CTNNA3: variants seen among roughly 807,000 people sequenced by gnomAD.
CTNNA3 encodes the protein catenin alpha 3.
CTNNA3 carries 76 observed loss-of-function variants against 95.7 expected under a neutral mutation model. The observed-to-expected ratio is 0.79, with a 90% CI of 0.66 to 0.96. The LOEUF is 0.96. Ranked by LOEUF, CTNNA3 falls within the 40% of genes least tolerant of loss-of-function variation. CTNNA3 has a pLI of 0.00. For synonymous variants in CTNNA3, 431 were observed against 374.4 expected (o/e 1.15, Z -1.74); for missense variants, 1,191 against 1,089.8 (o/e 1.09, Z -1.31).
intron 5 of CTNNA3, among the ~76,000 whole-genome samples, chr10:67,372,019 A>T (rs533553368): frequency 0.041 from 6,238 of 151,894 alleles, 183 homozygotes; most frequent in South Asian, 0.1. Context: ...TGGCTGCATA[A>T]ATGTCTTCTT....
chr10:66,882,816 C>T (rs1844898430), intron 7 of CTNNA3, among the ~76,000 whole-genome samples: 1 of 152,030 alleles, frequency 6.6e-6, no homozygotes, highest in Admixed American at 6.6e-5. Context: ...AGCATGGAAA[C>T]ATAGGATGTA....
At chr10:66,141,862 A>G (rs2083637375) in intron 13 of CTNNA3, among the ~76,000 whole-genome samples, 1 of 152,168 alleles carries the variant, frequency 6.6e-6, no homozygotes, top group African/African-American at 2.4e-5. Context: ...GTGTATTCTG[A>G]GGCAGATGTT....
chr10:67,566,697 T>A (rs1841815786), intron 3 of CTNNA3, among the ~76,000 whole-genome samples: 1 of 152,092 alleles, frequency 6.6e-6, no homozygotes, highest in South Asian at 2.1e-4. Flanking sequence ...CTATAAATCA[T>A]GCTGCTATAA....
intron 6 of CTNNA3, among the ~76,000 whole-genome samples, chr10:67,187,368 G>A (rs10997559): frequency 0.37 from 55,564 of 151,896 alleles, 14,554 homozygotes; most frequent in African/African-American, 0.75. Flanking sequence ...CCAATTTTAT[G>A]TAAGTACCAA....
chr10:66,303,841 C>A (rs1169429478), intron 12 of CTNNA3, among the ~76,000 whole-genome samples: 1 of 152,094 alleles, frequency 6.6e-6, no homozygotes, highest in Non-Finnish European at 1.5e-5. Context: ...GATCCGCCCA[C>A]CTCGGCCTCC....
At chr10:65,925,737 C>T (rs551926965) in intron 17 of CTNNA3, among the ~76,000 whole-genome samples, 50 of 152,210 alleles carry the variant, frequency 3.3e-4, no homozygotes, top group African/African-American at 1.2e-3. Context: ...GCACTTGGCT[C>T]TTCTTGTAAT....
rs76624084 is a variant in CTNNA3, at chr10:67,645,363, C to T, written c.99+2052G>A. Reference sequence around the variant, plus strand: ...CCATGATACTCTCTCTGTTTATAAGCAATATGTCAGCAACCTTTGTGATTA... The same window carrying T: ...CCATGATACTCTCTCTGTTTATAAGTAATATGTCAGCAACCTTTGTGATTA... On this transcript the variant is annotated intron_variant, in intron 2 of 17. Coordinates refer to ENST00000433211, the MANE Select transcript of CTNNA3 (RefSeq NM_013266.4). Among the ~76,000 whole-genome samples, 1,199 of 152,224 alleles carry T rather than the reference C, an allele frequency of 7.9e-3. 16 individuals carry two copies. Among genetic ancestry groups the T allele is most frequent in the African/African-American group, 0.025 (1,022 of 41,544 alleles).
intron 13 of CTNNA3, among the ~76,000 whole-genome samples, chr10:66,117,828 A>G (rs915291967): frequency 6.6e-6 from 1 of 152,228 alleles, no homozygotes; most frequent in Non-Finnish European, 1.5e-5. Context: ...TGACAACTAT[A>G]TAAGAGTACT....
At chr10:67,698,353 CA>C (rs61437531), upstream of CTNNA3, among the ~76,000 whole-genome samples, 22,587 of 152,122 alleles carry the variant, frequency 0.15, 1,809 homozygotes, top group African/African-American at 0.18. Flanking sequence ...CGGCCCCAAA[CA>C]AAGTCATTCA....
intron 5 of CTNNA3, among the ~76,000 whole-genome samples, chr10:67,286,260 T>G (rs1175006334): frequency 2.0e-5 from 3 of 152,226 alleles, no homozygotes; most frequent in Admixed American, 6.5e-5. Context: ...TGATTTCTCA[T>G]GACAGCTATA....
At chr10:66,621,605 G>GA (rs144188579) in intron 10 of CTNNA3, 87 bp downstream of exon 10, 806 of 614,390 alleles carry the variant, frequency 1.3e-3, no homozygotes, top group Middle Eastern at 2.6e-3. Context: ...AAAAAAAAAA[G>GA]AAAAAAAAAT....
intron 15 of CTNNA3, among the ~76,000 whole-genome samples, chr10:66,056,172 C>T (rs1014111503): frequency 3.3e-5 from 5 of 151,876 alleles, no homozygotes; most frequent in African/African-American, 4.8e-5. Flanking sequence ...TTATATATAG[C>T]GTTTATCTTA....
intron 7 of CTNNA3, among the ~76,000 whole-genome samples, chr10:67,125,470 G>A (rs1056219902): frequency 1.3e-5 from 2 of 152,052 alleles, no homozygotes; most frequent in Non-Finnish European, 2.9e-5. Context: ...TGCCCCTAAA[G>A]CCTAAAAGTG....
chr10:66,321,199 TAAAAAA>T lies in CTNNA3; in HGVS notation c.1733-40584_1733-40579del, dbSNP rs1480276173. 2.8e-4 allele frequency among the ~76,000 whole-genome samples: 43 copies of T among 152,056 alleles called. 1 individual carries two copies. In the East Asian group the frequency reaches 4.4e-3, roughly 16 times the overall value. On this transcript the variant is annotated intron_variant, in intron 12 of 17. Transcript: ENST00000433211. ...TGTTGGACCATCTTTGTTGAATAGGTAAAAAATAAAATATAGATTTGAAAAAAAATA... is the reference window on the plus strand; with the variant it reads ...TGTTGGACCATCTTTGTTGAATAGGTTAAAATATAGATTTGAAAAAAAATA...
At chr10:66,030,190 G>C (rs190845904) in intron 15 of CTNNA3, among the ~76,000 whole-genome samples, 1 of 152,174 alleles carries the variant, frequency 6.6e-6, no homozygotes, top group East Asian at 1.9e-4. Flanking sequence ...AACCACTAAT[G>C]TCATTTTTCA....
At chr10:67,489,571 T>C (rs1212334871) in intron 5 of CTNNA3, among the ~76,000 whole-genome samples, 1 of 152,104 alleles carries the variant, frequency 6.6e-6, no homozygotes, top group Middle Eastern at 3.4e-3. Flanking sequence ...TAGATAAGTA[T>C]CTGGAAAAAA....
chr10:65,956,094 A>G (rs976237301), intron 17 of CTNNA3, among the ~76,000 whole-genome samples: 1 of 152,034 alleles, frequency 6.6e-6, no homozygotes, highest in African/African-American at 2.4e-5. Flanking sequence ...CAGGGATTCA[A>G]CTTCTTCCTG....
Position 66,523,590 on chromosome 10 carries a change from A to T in CTNNA3, c.1375-2817T>A, listed in dbSNP as rs114314011. ...TCACGTAAAACTAAAGCTTTTTTTT[A>T]AAATGAATTATGTTGCTTTCTGAGG... On this transcript the variant is annotated intron_variant, in intron 10 of 17. Transcript: ENST00000433211. Among the ~76,000 whole-genome samples, 1,407 of 152,272 alleles carry T rather than the reference A, an allele frequency of 9.2e-3. 29 individuals carry two copies. The highest frequency in any genetic ancestry group is 0.032 in the African/African-American group (1,321 of 41,564).
At position 66,331,642 on chromosome 10, in the gene CTNNA3, T is replaced by G. The variant is rs553087212; in HGVS notation, c.1732+47510A>C. Reference sequence around the variant, plus strand: ...TGCAGCATTATTTCTGAGGGCTCTGTTCTGTTCCATTGGTCTATATCTTCG... The same window carrying G: ...TGCAGCATTATTTCTGAGGGCTCTGGTCTGTTCCATTGGTCTATATCTTCG... On this transcript the variant is annotated intron_variant, in intron 12 of 17. Coordinates refer to ENST00000433211, the MANE Select transcript of CTNNA3 (RefSeq NM_013266.4). Among the ~76,000 whole-genome samples, 7 of 152,134 alleles carry G rather than the reference T, an allele frequency of 4.6e-5. No individual in the cohort carries two copies. In the South Asian group the frequency reaches 1.0e-3, roughly 23 times the overall value.
Sources: gnomAD v4.1 joint callset for allele counts (sites outside exome capture counted in the v4.1 genomes callset) on GRCh38, gnomAD v4.1.1 for gene constraint, MANE v1.5 for transcripts, NCBI Gene and HGNC (gene_info 2026-07-23, HGNC 2026-07-21) for gene names.